CTSB: variants seen among roughly 807,000 people sequenced by gnomAD.
CTSB encodes the protein cathepsin B, also known as APP secretase.
In CTSB, 57 loss-of-function variants were observed where a neutral mutation model predicts 44.3. That is an observed-to-expected ratio of 1.29 (90% CI 1.04 to 1.60). CTSB has a LOEUF of 1.60. CTSB is among the 40% of genes most tolerant of loss of function. The pLI, the probability that CTSB is intolerant of heterozygous loss-of-function variation, is 0.00. For missense variants in CTSB, 768 were observed against 443.0 expected, an observed-to-expected ratio of 1.73 and a Z score of -6.59; for synonymous variants, 320 against 168.0, an observed-to-expected ratio of 1.91 and a Z score of -7.00.
rs1563388045 is a variant in CTSB at position 11,847,739 on chromosome 8, TG to T, written c.615del (p.Lys206SerfsTer69). 1.2e-6 allele frequency: 2 copies of T among 1,600,790 alleles called. No homozygotes were observed. The highest frequency in any genetic ancestry group is 1.7e-6 in the Non-Finnish European group (2 of 1,175,608). On this transcript the variant is annotated frameshift_variant, in exon 7 of 10. Coordinates refer to ENST00000353047, the MANE Select transcript of CTSB (RefSeq NM_001908.5). LOFTEE classifies it high-confidence loss of function. ...CCAGGCTCACAGATCTTGCTACACT[TG>T]GGGGTATCTCCCTCCCCCGTGCATG... is the stretch of plus-strand genomic sequence containing the variant. ...RPPCTGEGDT[P>X]KCSKICEPGY...
At chr8:11,855,534 C>T (rs1015571101) in intron 1 of CTSB, among the ~76,000 whole-genome samples, 1 of 152,088 alleles carries the variant, frequency 6.6e-6, no homozygotes, top group Non-Finnish European at 1.5e-5. Context: ...TGGAGGAAAG[C>T]TTAGGATTGA....
intron 2 of CTSB, 125 bp downstream of exon 2, chr8:11,853,204 C>T: frequency 4.4e-6 from 6 of 1,357,586 alleles, no homozygotes; most frequent in Middle Eastern, 3.8e-4. Context: ...GGGTCAGGGC[C>T]ATTTTTCAAC....
At chr8:11,845,416 C>A (rs552276591) in intron 9 of CTSB, among the ~76,000 whole-genome samples, 194 bp from the exon 10 acceptor site, 1 of 152,366 alleles carries the variant, frequency 6.6e-6, no homozygotes, top group Admixed American at 6.5e-5. Flanking sequence ...CCCGGTCACC[C>A]TTCCCATCAC....
chr8:11,856,066 G>A (rs568170954), intron 1 of CTSB, among the ~76,000 whole-genome samples: 3 of 151,920 alleles, frequency 2.0e-5, no homozygotes, highest in Non-Finnish European at 2.9e-5. Flanking sequence ...TCAACCTCAG[G>A]GAGGTGCAGA....
Position 11,845,116 on chromosome 8 carries a change from C to T in CTSB, c.*9G>A. 1 of 1,601,344 alleles carries T rather than the reference C, an allele frequency of 6.2e-7. No individual in the cohort carries two copies. Among genetic ancestry groups the T allele is most frequent in the Non-Finnish European group, 8.6e-7 (1 of 1,168,426 alleles). On this transcript the variant is annotated 3_prime_UTR_variant, in exon 10 of 10. Coordinates refer to ENST00000353047, the MANE Select transcript of CTSB (RefSeq NM_001908.5). Reference sequence around the variant, plus strand: ...GCCCCCAGGACTGGCACGACAGGCCCACGGCAGATTAGATCTTTTCCCAGT... The same window carrying T: ...GCCCCCAGGACTGGCACGACAGGCCTACGGCAGATTAGATCTTTTCCCAGT...
chr8:11,867,700 T>A (rs1225203768), intron 1 of CTSB: 1 of 152,308 alleles, frequency 6.6e-6, no homozygotes, highest in East Asian at 1.9e-4. Flanking sequence ...CCTGGCCGCG[T>A]CCCCGCTCCG....
At chr8:11,852,486 G>A (rs1013367018) in intron 3 of CTSB, 124 bp downstream of exon 3, 3 of 575,778 alleles carry the variant, frequency 5.2e-6, no homozygotes, top group Admixed American at 3.4e-5. Context: ...CTCAAGCGGT[G>A]TCGGCAGCCC....
chr8:11,865,412 C>CA (rs1326963683), intron 1 of CTSB: 2 of 151,608 alleles, frequency 1.3e-5, no homozygotes, highest in Admixed American at 6.6e-5. Flanking sequence ...TTAGGAGAGA[C>CA]AAAAAATCTC....
At position 11,843,312 on chromosome 8, in the gene CTSB, C is replaced by T. The variant is rs1033099068; in HGVS notation, c.*1813G>A. 4 of 152,182 alleles carry T rather than the reference C, an allele frequency of 2.6e-5. 1 individual carries two copies. The highest frequency in any genetic ancestry group is 9.7e-5 in the African/African-American group (4 of 41,450). 9.4% of individuals were successfully genotyped at this position (152,182 alleles called of 1,614,324 possible). A position where few individuals can be genotyped will look rare whatever the true frequency, so the allele number is the denominator to read the frequency against. On this transcript the variant is annotated 3_prime_UTR_variant, in exon 10 of 10. Transcript: ENST00000353047. ...TTTCCTACAATGTTCCTCAGATTTT[C>T]AGAGCTTATTTGATCTAGCATCTGG...
Position 11,847,094 on chromosome 8 carries a change from C to T in CTSB, c.751G>A (p.Gly251Arg). 6.2e-7 allele frequency: 1 copy of T among 1,613,558 alleles called. No individual in the cohort carries two copies. Among genetic ancestry groups the T allele is most frequent in the Non-Finnish European group, 8.5e-7 (1 of 1,179,440 alleles). Residue 251 changes from glycine to arginine, a missense_variant, in exon 8 of 10, where the codon GGA becomes AGA. By Grantham distance (125) the Gly-to-Arg change is moderately radical (BLOSUM62 -2). Coordinates refer to ENST00000353047, the MANE Select transcript of CTSB (RefSeq NM_001908.5). ...AEIYKNGPVE[G>R]AFSVYSDFLL... ...AAGTCCGAATACACAGAGAAAGCTC[C>T]CTCCACGGGGCCGTTTTTGTAGATC...
At position 11,848,189 on chromosome 8, in the gene CTSB, A is replaced by C. The variant is rs1483437030; in HGVS notation, c.447-37T>G. On this transcript the variant is annotated intron_variant, in intron 5 of 9. Transcript: ENST00000353047. Reference sequence around the variant, plus strand: ...GCCTCTAATGAAAACCTCTGAGAGAAGCACCACCAGCTCTCCAGACCACTG... The same window carrying C: ...GCCTCTAATGAAAACCTCTGAGAGACGCACCACCAGCTCTCCAGACCACTG... 3 of 1,556,006 alleles carry C rather than the reference A, an allele frequency of 1.9e-6. No individual in the cohort carries two copies. In the South Asian group the frequency reaches 3.3e-5, roughly 17 times the overall value.
intron 1 of CTSB, among the ~76,000 whole-genome samples, chr8:11,855,318 C>G (rs900613510): frequency 2.0e-5 from 3 of 152,128 alleles, no homozygotes; most frequent in Non-Finnish European, 2.9e-5. Flanking sequence ...CCGCACCAGG[C>G]CCACAGATCT....
At chr8:11,866,614 C>T (rs1221297119) in intron 1 of CTSB, among the ~76,000 whole-genome samples, 1 of 152,252 alleles carries the variant, frequency 6.6e-6, no homozygotes. Context: ...CACCGTGACT[C>T]ACCGGGAGGC....
chr8:11,859,373 A>C (rs186628817), intron 1 of CTSB, among the ~76,000 whole-genome samples: 1 of 152,238 alleles, frequency 6.6e-6, no homozygotes, highest in East Asian at 1.9e-4. Flanking sequence ...GGTGGAATGA[A>C]AGTCAAAGGA....
Position 11,843,506 on chromosome 8 carries a change from T to G in CTSB, c.*1619A>C, listed in dbSNP as rs1226445385. The G allele has an allele frequency of 6.6e-6, 1 of 152,234 alleles. No individual in the cohort carries two copies. Among genetic ancestry groups the G allele is most frequent in the African/African-American group, 2.4e-5 (1 of 41,438 alleles). 9.4% of individuals were successfully genotyped at this position (152,234 alleles called of 1,614,324 possible). A position where few individuals can be genotyped will look rare whatever the true frequency, so the allele number is the denominator to read the frequency against. On this transcript the variant is annotated 3_prime_UTR_variant, in exon 10 of 10. Coordinates refer to ENST00000353047, the MANE Select transcript of CTSB (RefSeq NM_001908.5). ...TATACCAAGAACTGCTATAACATGT[T>G]TCTAAACCAGGGCTATGCAAAGCAC...
At chr8:11,866,703 T>C (rs1238247730) in intron 1 of CTSB, among the ~76,000 whole-genome samples, 1 of 152,052 alleles carries the variant, frequency 6.6e-6, no homozygotes, top group Non-Finnish European at 1.5e-5. Flanking sequence ...CTACTAAAAA[T>C]ACAAAAATTA....
At chr8:11,857,403 C>G (rs1356778529) in intron 1 of CTSB, among the ~76,000 whole-genome samples, 1 of 152,170 alleles carries the variant, frequency 6.6e-6, no homozygotes, top group African/African-American at 2.4e-5. Context: ...CAGTGACCCA[C>G]ACAGCCTCCA....
At chr8:11,846,886 C>G (rs939858576) in intron 8 of CTSB, among the ~76,000 whole-genome samples, 166 bp downstream of exon 8, 2 of 152,086 alleles carry the variant, frequency 1.3e-5, no homozygotes, top group African/African-American at 4.8e-5. Context: ...AGGTGCCAGG[C>G]TGGTCCACAG....
At chr8:11,856,689 G>GA (rs780440157) in intron 1 of CTSB, among the ~76,000 whole-genome samples, 1 of 152,180 alleles carries the variant, frequency 6.6e-6, no homozygotes, top group South Asian at 2.1e-4. Flanking sequence ...GTTAAGTGGG[G>GA]AAAAAGCAAG....
Sources: gnomAD v4.1 joint callset for allele counts (sites outside exome capture counted in the v4.1 genomes callset) on GRCh38, gnomAD v4.1.1 for gene constraint, MANE v1.5 for transcripts, NCBI Gene and HGNC (gene_info 2026-07-23, HGNC 2026-07-21) for gene names.